BICC1: variants seen among roughly 807,000 people sequenced by gnomAD.
BICC1 encodes the protein BicC family RNA binding protein 1, also known as protein bicaudal C homolog 1.
A neutral mutation model predicts 111.0 loss-of-function variants in BICC1; 43 were observed. That is an observed-to-expected ratio of 0.39 (90% CI 0.30 to 0.50). The LOEUF is 0.50. Among genes scored for constraint, BICC1 ranks in the 20% least tolerant of loss-of-function variants. The pLI, the probability that BICC1 is intolerant of heterozygous loss-of-function variation, is 0.88. For missense variants in BICC1, 1,091 were observed against 1,203.2 expected, an observed-to-expected ratio of 0.91 and a Z score of 1.38; for synonymous variants, 467 against 434.4, an observed-to-expected ratio of 1.07 and a Z score of -0.93.
At chr10:58,684,284 T>C (rs1839637966) in intron 2 of BICC1, among the ~76,000 whole-genome samples, 3 of 152,218 alleles carry the variant, frequency 2.0e-5, no homozygotes. Flanking sequence ...TGCCAGTATT[T>C]TATTGAGGAT....
chr10:58,595,920 C>T (rs991007486), intron 1 of BICC1, among the ~76,000 whole-genome samples: 2 of 152,038 alleles, frequency 1.3e-5, no homozygotes, highest in African/African-American at 2.4e-5. Context: ...TCAGTGAATC[C>T]AGGAGCTGAT....
intron 3 of BICC1, among the ~76,000 whole-genome samples, chr10:58,723,645 A>T (rs142764753): frequency 6.6e-6 from 1 of 152,352 alleles, no homozygotes; most frequent in Non-Finnish European, 1.5e-5. Context: ...ATTTCAAGCC[A>T]GCAGGAAGGC....
chr10:58,805,847 A>C (rs567516773), intron 15 of BICC1, among the ~76,000 whole-genome samples: 1 of 152,314 alleles, frequency 6.6e-6, no homozygotes, highest in Admixed American at 6.5e-5. Flanking sequence ...CACTCAGAAA[A>C]GATTTGAAAT....
At chr10:58,804,359 A>G (rs1331124977) in intron 15 of BICC1, among the ~76,000 whole-genome samples, 1 of 151,902 alleles carries the variant, frequency 6.6e-6, no homozygotes, top group East Asian at 1.9e-4. Context: ...CTACAGAATA[A>G]TTCTAAAAAA....
At chr10:58,557,354 T>TC (rs1843479911) in intron 1 of BICC1, among the ~76,000 whole-genome samples, 1 of 151,896 alleles carries the variant, frequency 6.6e-6, no homozygotes, top group Non-Finnish European at 1.5e-5. Flanking sequence ...CTTTTTTTTT[T>TC]TCATGTGTTC....
At chr10:58,594,590 A>C (rs909164441) in intron 1 of BICC1, among the ~76,000 whole-genome samples, 1 of 152,204 alleles carries the variant, frequency 6.6e-6, no homozygotes, top group Non-Finnish European at 1.5e-5. Context: ...TAAAGAAAAG[A>C]ATTTTCAACC....
At chr10:58,646,475 G>T (rs962469226) in intron 2 of BICC1, among the ~76,000 whole-genome samples, 1 of 152,120 alleles carries the variant, frequency 6.6e-6, no homozygotes, top group Non-Finnish European at 1.5e-5. Flanking sequence ...TTTAAAAAAG[G>T]TTTTAGGGTC....
chr10:58,604,126 T>C (rs928361438), intron 1 of BICC1, among the ~76,000 whole-genome samples: 3 of 152,176 alleles, frequency 2.0e-5, no homozygotes, highest in Admixed American at 1.3e-4. Context: ...TTCAAAGCAA[T>C]AGAGCCCTCC....
At chr10:58,565,799 A>G (rs1210710964) in intron 1 of BICC1, among the ~76,000 whole-genome samples, 7 of 152,010 alleles carry the variant, frequency 4.6e-5, no homozygotes, top group Non-Finnish European at 1.5e-5. Context: ...TTTTTTTGAA[A>G]GGTCAATATA....
At position 58,817,597 on chromosome 10, in the gene BICC1, T is replaced by G; in HGVS notation, c.2569T>G (p.Cys857Gly). ...TCTCAGCAGTAGCAATTACATGGACTGCATTTCCTCGCTGACAGGAAGCAA... is the reference window on the plus strand; with the variant it reads ...TCTCAGCAGTAGCAATTACATGGACGGCATTTCCTCGCTGACAGGAAGCAA... ...HYLSSSNYMD[C>G]ISSLTGSNGC... is the part of the protein sequence containing the mutation. Residue 857 changes from cysteine (C) to glycine (G), a missense_variant, in exon 19 of 21, where the codon TGC becomes GGC. By Grantham distance (159) the Cys-to-Gly change is radical. Around this residue, in one of 3 missense-constraint regions of BICC1, gnomAD observed 231 missense variants for 256.2 expected, o/e 0.90. Transcript: ENST00000373886. 6.2e-7 allele frequency: 1 copy of G among 1,613,572 alleles called. No individual in the cohort carries two copies. Among genetic ancestry groups the G allele is most frequent in the Non-Finnish European group, 8.5e-7 (1 of 1,179,624 alleles).
At chr10:58,823,474 T>C in intron 20 of BICC1, 1 of 984,520 alleles carries the variant, frequency 1.0e-6, no homozygotes, top group Non-Finnish European at 1.2e-6. Context: ...AACATATGTA[T>C]GTACTCTCTT....
At chr10:58,638,227 A>G (rs190278383) in intron 2 of BICC1, among the ~76,000 whole-genome samples, 27 of 152,270 alleles carry the variant, frequency 1.8e-4, no homozygotes, top group African/African-American at 6.5e-4. Flanking sequence ...GGGTTCATGT[A>G]GAATTGCCTG....
chr10:58,686,651 G>A (rs1184103435), intron 2 of BICC1, among the ~76,000 whole-genome samples: 1 of 151,870 alleles, frequency 6.6e-6, no homozygotes, highest in Non-Finnish European at 1.5e-5. Context: ...TCTTACCCTT[G>A]ATCAAATCGG....
chr10:58,579,425 G>T (rs771524379), intron 1 of BICC1, among the ~76,000 whole-genome samples: 3 of 152,188 alleles, frequency 2.0e-5, no homozygotes, highest in Non-Finnish European at 4.4e-5. Context: ...CAAAGGAATG[G>T]CTTGTGTGCG....
intron 20 of BICC1, among the ~76,000 whole-genome samples, chr10:58,825,926 T>G (rs1844381152): frequency 6.6e-6 from 1 of 152,064 alleles, no homozygotes; most frequent in Non-Finnish European, 1.5e-5. Context: ...TACCACAGAT[T>G]GAGGTGTGTA....
intron 1 of BICC1, among the ~76,000 whole-genome samples, chr10:58,617,803 T>C (rs1317716919): frequency 6.6e-6 from 1 of 152,226 alleles, no homozygotes; most frequent in South Asian, 2.1e-4. Context: ...GCAAAACCTA[T>C]GGGAGGAAGG....
intron 1 of BICC1, among the ~76,000 whole-genome samples, chr10:58,534,068 AAGG>A (rs1030088866): frequency 2.6e-5 from 4 of 151,848 alleles, no homozygotes; most frequent in African/African-American, 9.7e-5. Flanking sequence ...CTGAAAGTAA[AAGG>A]AGGGAAAAAA....
intron 18 of BICC1, among the ~76,000 whole-genome samples, chr10:58,816,935 G>T (rs1844113208): frequency 6.6e-6 from 1 of 152,000 alleles, no homozygotes; most frequent in South Asian, 2.1e-4. Flanking sequence ...TGTCTTAAAA[G>T]TTTTCCCCAG....
intron 2 of BICC1, among the ~76,000 whole-genome samples, chr10:58,647,980 C>T (rs776532549): frequency 1.3e-5 from 2 of 152,120 alleles, no homozygotes; most frequent in East Asian, 3.9e-4. Flanking sequence ...ATGCATTTTC[C>T]AGAAACCACA....
Sources: gnomAD v4.1 joint callset for allele counts (sites outside exome capture counted in the v4.1 genomes callset) on GRCh38, gnomAD v4.1.1 for gene constraint, gnomAD v4.1.1 regional missense constraint, MANE v1.5 for transcripts, NCBI Gene and HGNC (gene_info 2026-07-23, HGNC 2026-07-21) for gene names.